DCLK1: variants seen among roughly 807,000 people sequenced by gnomAD.
DCLK1 encodes the protein doublecortin like kinase 1.
In DCLK1, 16 loss-of-function variants were observed where a neutral mutation model predicts 86.2. The observed-to-expected ratio is 0.19, with a 90% CI of 0.13 to 0.28. DCLK1 has a LOEUF of 0.28. DCLK1 is among the 10% of genes least tolerant of loss of function. The pLI is 1.00. For synonymous variants in DCLK1, 369 were observed against 370.5 expected, an observed-to-expected ratio of 1.00 and a Z score of 0.05; for missense variants, 590 against 940.2, an observed-to-expected ratio of 0.63 and a Z score of 4.87.
At chr13:35,809,132 G>A in intron 12 of DCLK1, 37 bp from the exon 13 acceptor site, 1 of 1,551,710 alleles carries the variant, frequency 6.4e-7, no homozygotes, top group Non-Finnish European at 8.8e-7. Flanking sequence ...AGGAGGGTCA[G>A]GCTCGGACAA....
intron 3 of DCLK1, among the ~76,000 whole-genome samples, chr13:36,060,701 T>A (rs1883511483): frequency 6.6e-6 from 1 of 152,174 alleles, no homozygotes; most frequent in African/African-American, 2.4e-5. Flanking sequence ...TAAAAAAAGA[T>A]GTCTGGTTAA....
intron 16 of DCLK1, among the ~76,000 whole-genome samples, chr13:35,779,298 T>C (rs2086482510): frequency 6.6e-6 from 1 of 152,198 alleles, no homozygotes; most frequent in Admixed American, 6.5e-5. Flanking sequence ...CTTGAAGACT[T>C]GATCAAATTT....
At chr13:35,868,592 T>C (rs755247708) in intron 5 of DCLK1, among the ~76,000 whole-genome samples, 14 of 152,232 alleles carry the variant, frequency 9.2e-5, no homozygotes, top group Non-Finnish European at 1.5e-4. Context: ...TGATTTTTAA[T>C]AGTATTGATA....
At chr13:36,046,807 C>G (rs766221361) in intron 3 of DCLK1, among the ~76,000 whole-genome samples, 1 of 152,168 alleles carries the variant, frequency 6.6e-6, no homozygotes, top group African/African-American at 2.4e-5. Flanking sequence ...ATTTGAAACT[C>G]CAAAGCCATA....
At chr13:35,866,308 C>A (rs1871783803) in intron 5 of DCLK1, among the ~76,000 whole-genome samples, 2 of 152,038 alleles carry the variant, frequency 1.3e-5, no homozygotes, top group Admixed American at 6.6e-5. Flanking sequence ...AGCAGCATAG[C>A]CCGAAAATTG....
chr13:35,823,381 A>ACACG (rs990206721), intron 10 of DCLK1, among the ~76,000 whole-genome samples: 1 of 151,884 alleles, frequency 6.6e-6, no homozygotes, highest in African/African-American at 2.4e-5. Context: ...ACACACACAC[A>ACACG]CAATCCCCTT....
intron 4 of DCLK1, among the ~76,000 whole-genome samples, chr13:35,881,733 C>G (rs1205204409): frequency 6.6e-6 from 1 of 152,090 alleles, no homozygotes; most frequent in Non-Finnish European, 1.5e-5. Context: ...CCAGTCTGTC[C>G]TCTGGCACTT....
At chr13:36,107,884 C>A (rs1012312325) in intron 3 of DCLK1, among the ~76,000 whole-genome samples, 1 of 152,044 alleles carries the variant, frequency 6.6e-6, no homozygotes, top group Non-Finnish European at 1.5e-5. Context: ...AACTGCTTGG[C>A]AGGTTAAGTG....
intron 4 of DCLK1, among the ~76,000 whole-genome samples, chr13:35,944,873 T>A (rs1877278301): frequency 6.6e-6 from 1 of 152,050 alleles, no homozygotes. Flanking sequence ...TCTCCGTATA[T>A]AATCTGTGTG....
chr13:35,902,398 A>C (rs563676867), intron 4 of DCLK1, among the ~76,000 whole-genome samples: 1 of 152,216 alleles, frequency 6.6e-6, no homozygotes, highest in Non-Finnish European at 1.5e-5. Flanking sequence ...TTCCAAACAC[A>C]GGGCTCCAGA....
chr13:35,842,400 G>A (rs921213757), intron 6 of DCLK1, among the ~76,000 whole-genome samples: 4 of 151,840 alleles, frequency 2.6e-5, no homozygotes, highest in African/African-American at 9.7e-5. Context: ...AATAGCTACT[G>A]GTCTCCGTCT....
chr13:35,918,615 A>G (rs1875574273), intron 4 of DCLK1, among the ~76,000 whole-genome samples: 2 of 152,172 alleles, frequency 1.3e-5, no homozygotes, highest in African/African-American at 4.8e-5. Context: ...CTGTTCAACA[A>G]ACATTTGTTG....
chr13:36,046,820 T>C (rs1211542679), intron 3 of DCLK1, among the ~76,000 whole-genome samples: 3 of 152,200 alleles, frequency 2.0e-5, no homozygotes, highest in Non-Finnish European at 2.9e-5. Flanking sequence ...AAGCCATAGA[T>C]ACAGCACATA....
chr13:35,992,596 C>A (rs528574472), intron 3 of DCLK1, among the ~76,000 whole-genome samples: 2 of 152,188 alleles, frequency 1.3e-5, no homozygotes, highest in East Asian at 3.9e-4. Flanking sequence ...AGATCACTGG[C>A]CTTGCTGATT....
intron 5 of DCLK1, among the ~76,000 whole-genome samples, chr13:35,869,597 C>T (rs1274765013): frequency 7.3e-6 from 1 of 137,508 alleles, no homozygotes; most frequent in Admixed American, 7.4e-5. Context: ...TCCAGATTAT[C>T]CAGAGTCAAA....
chr13:35,902,372 T>C (rs748534929), intron 4 of DCLK1, among the ~76,000 whole-genome samples: 3 of 152,162 alleles, frequency 2.0e-5, no homozygotes, highest in Non-Finnish European at 4.4e-5. Flanking sequence ...CAAGCTTGGA[T>C]ATGGCCTCAG....
chr13:35,842,554 G>T (rs1385116969), intron 6 of DCLK1, among the ~76,000 whole-genome samples: 3 of 152,110 alleles, frequency 2.0e-5, no homozygotes, highest in Non-Finnish European at 2.9e-5. Context: ...GCAATATTCT[G>T]GGTGTGCTCT....
chr13:35,819,805 T>C (rs117634997), intron 11 of DCLK1, among the ~76,000 whole-genome samples: 2,242 of 152,222 alleles, frequency 0.015, 31 homozygotes, highest in Admixed American at 0.033. Context: ...TAAAAAGTGA[T>C]TTTCACTACA....
intron 6 of DCLK1, among the ~76,000 whole-genome samples, chr13:35,841,563 T>A (rs976393929): frequency 6.6e-6 from 1 of 152,150 alleles, no homozygotes; most frequent in East Asian, 1.9e-4. Context: ...ACAAGTTTGC[T>A]TATGTTTATA....
Sources: allele counts gnomAD v4.1 joint callset (sites outside exome capture counted in the v4.1 genomes callset), GRCh38; gene constraint gnomAD v4.1.1; transcripts MANE v1.5; gene names NCBI Gene and HGNC (gene_info 2026-07-23, HGNC 2026-07-21).